DNAJC13: variants seen among roughly 807,000 people sequenced by gnomAD.
DNAJC13 encodes the protein DnaJ heat shock protein family (Hsp40) member C13.
In DNAJC13, 75 loss-of-function variants were observed where a neutral mutation model predicts 290.5. The ratio of observed to expected loss-of-function variants is 0.26; its 90% CI spans 0.21 to 0.31. The LOEUF (loss-of-function observed/expected upper bound fraction) is 0.31. Among genes scored for constraint, DNAJC13 ranks in the 10% least tolerant of loss-of-function variants. The pLI is 1.00. For missense variants in DNAJC13, 2,260 were observed against 2,674.5 expected, an observed-to-expected ratio of 0.85 and a Z score of 3.42; for synonymous variants, 862 against 892.0, an observed-to-expected ratio of 0.97 and a Z score of 0.60.
rs1933510001 is a variant in DNAJC13, at chr3:132,454,158, G to T, written c.932+1G>T. 1 of 1,579,112 alleles carries T rather than the reference G, an allele frequency of 6.3e-7. No individual in the cohort carries two copies. The highest frequency in any genetic ancestry group is 8.6e-7 in the Non-Finnish European group (1 of 1,166,178). ...TACGGAAATATTCTTCAACAGAGAG[G>T]TATTTTTTTTTTTTTAAGTTTTTGA... is the stretch of plus-strand genomic sequence containing the variant. On this transcript the variant is annotated splice_donor_variant, in intron 9 of 55. Coordinates refer to ENST00000260818, the MANE Select transcript of DNAJC13 (RefSeq NM_015268.4). LOFTEE classifies it high-confidence loss of function.
rs796693101 is a variant in DNAJC13 at position 132,432,215 on chromosome 3, T to TG, written c.-13-2315dup. Among the ~76,000 whole-genome samples the TG allele has an allele frequency of 5.3e-3, 808 of 151,692 alleles. 8 individuals carry two copies. Among genetic ancestry groups the TG allele is most frequent in the African/African-American group, 0.015 (628 of 41,390 alleles). ...TTGTTTTGTTTTGTTTTTGTTTTTT[T>TG]GGGGGGGGACAGAGTCTTGCTCTGT... On this transcript the variant is annotated intron_variant, in intron 1 of 55. Coordinates refer to ENST00000260818, the MANE Select transcript of DNAJC13 (RefSeq NM_015268.4).
rs565021689 is a variant in DNAJC13, at chr3:132,526,332, G to C, written c.6381+51G>C. Reference sequence around the variant, plus strand: ...TATTTTAGGAAAGCAAACATACCAAGTAGATTTTTACCTATTTGGTACTGA... The same window carrying C: ...TATTTTAGGAAAGCAAACATACCAACTAGATTTTTACCTATTTGGTACTGA... On this transcript the variant is annotated intron_variant, in intron 53 of 55. Transcript: ENST00000260818. The C allele has an allele frequency of 1.7e-5, 27 of 1,604,820 alleles. No homozygotes were observed. The Admixed American group carries it at 4.5e-4, about 27-fold the overall frequency.
chr3:132,447,236 G>A (rs1041648695), intron 3 of DNAJC13, 85 bp from the exon 4 acceptor site: 20 of 1,199,642 alleles, frequency 1.7e-5, no homozygotes. Flanking sequence ...GATTTAATCA[G>A]TGATTATGAA....
chr3:132,499,688 C>A, intron 37 of DNAJC13, 46 bp from the exon 38 acceptor site: 1 of 1,569,544 alleles, frequency 6.4e-7, no homozygotes, highest in Non-Finnish European at 8.7e-7. Flanking sequence ...GCCTTTCAGA[C>A]TTGAAGTCAA....
intron 40 of DNAJC13, 92 bp from the exon 41 acceptor site, chr3:132,503,122 A>T (rs1935474042): frequency 7.4e-7 from 1 of 1,356,590 alleles, no homozygotes; most frequent in African/African-American, 1.5e-5. Flanking sequence ...TACTCCTTAA[A>T]TATGTTCCAT....
chr3:132,432,911 A>G (rs995612066), intron 1 of DNAJC13, among the ~76,000 whole-genome samples: 2 of 152,162 alleles, frequency 1.3e-5, no homozygotes, highest in African/African-American at 4.8e-5. Context: ...CTTAATCTCA[A>G]TTTCTTTACT....
In DNAJC13 at chr3:132,519,268, ATCT is replaced by A. The variant is rs1477301515; in HGVS notation, c.5673+2459_5673+2461del. On this transcript the variant is annotated intron_variant, in intron 48 of 55. Coordinates refer to ENST00000260818, the MANE Select transcript of DNAJC13 (RefSeq NM_015268.4). ...CCATTCCCCTAGCAATGTATTTATCATCTTCTTCTCTAACGCTTGTTATATCTT... is the reference window on the plus strand; with the variant it reads ...CCATTCCCCTAGCAATGTATTTATCATCTTCTCTAACGCTTGTTATATCTT... Among the ~76,000 whole-genome samples the A allele has an allele frequency of 3.3e-5, 5 of 152,134 alleles. No homozygotes were observed. The East Asian group carries it at 9.6e-4, about 29-fold the overall frequency.
chr3:132,503,080 G>T (rs1935472571), intron 40 of DNAJC13, 134 bp from the exon 41 acceptor site: 1 of 849,888 alleles, frequency 1.2e-6, no homozygotes, highest in African/African-American at 1.7e-5. Flanking sequence ...TCAGTGGTAG[G>T]TACTCTTGTA....
At chr3:132,499,697 A>G (rs1399614572) in intron 37 of DNAJC13, 37 bp from the exon 38 acceptor site, 1 of 1,599,882 alleles carries the variant, frequency 6.3e-7, no homozygotes, top group Non-Finnish European at 8.5e-7. Flanking sequence ...ACTTGAAGTC[A>G]AAATGGAGAG....
In DNAJC13 at chr3:132,456,655, T is replaced by C. The variant is rs144656558; in HGVS notation, c.1180-8T>C. ...GAAACTTTTTTGAAATACTCTTTCTTCACCTAGGGTCTCTTCTCAGAAAAC... is the reference window on the plus strand; with the variant it reads ...GAAACTTTTTTGAAATACTCTTTCTCCACCTAGGGTCTCTTCTCAGAAAAC... On this transcript the variant is annotated splice_polypyrimidine_tract_variant and splice_region_variant and intron_variant, in intron 11 of 55. Coordinates refer to ENST00000260818, the MANE Select transcript of DNAJC13 (RefSeq NM_015268.4). 6.6e-5 allele frequency: 107 copies of C among 1,612,924 alleles called. No individual in the cohort carries two copies. In the African/African-American group the frequency reaches 1.2e-3, roughly 18 times the overall value.
At chr3:132,507,585 G>A (rs1252121479) in intron 43 of DNAJC13, among the ~76,000 whole-genome samples, 2 of 151,716 alleles carry the variant, frequency 1.3e-5, no homozygotes, top group African/African-American at 4.8e-5. Context: ...TCACATTTTG[G>A]TAATTCTCTC....
Position 132,513,125 on chromosome 3 carries a change from G to A in DNAJC13, c.5385+26G>A, listed in dbSNP as rs773614036. 9 of 1,572,884 alleles carry A rather than the reference G, an allele frequency of 5.7e-6. No individual in the cohort carries two copies. The South Asian group carries it at 8.9e-5, about 16-fold the overall frequency. ...GTAAAAGCGTTTTGTACTAAAGCGT[G>A]TTGCCTTTCCTACCACTTACCATGT... On this transcript the variant is annotated intron_variant, in intron 45 of 55. Transcript: ENST00000260818.
At chr3:132,473,045 A>G in intron 20 of DNAJC13, 100 bp from the exon 21 acceptor site, 6 of 770,038 alleles carry the variant, frequency 7.8e-6, no homozygotes, top group South Asian at 3.4e-5. Flanking sequence ...TCAAAATTTG[A>G]TGAAAGAAAT....
chr3:132,480,253 ATTCTT>A (rs1934621715), intron 25 of DNAJC13, 111 bp from the exon 26 acceptor site: 3 of 575,104 alleles, frequency 5.2e-6, no homozygotes, highest in Middle Eastern at 3.4e-4. Flanking sequence ...GACTCCAAAC[ATTCTT>A]TTCTTCGAGG....
chr3:132,466,146 G>A, intron 18 of DNAJC13, 76 bp downstream of exon 18: 1 of 1,438,306 alleles, frequency 7.0e-7, no homozygotes, highest in Non-Finnish European at 9.7e-7. Flanking sequence ...CTGTTAAAAG[G>A]GGATGGTTTG....
chr3:132,460,397 A>G, intron 14 of DNAJC13, 40 bp downstream of exon 14: 2 of 1,374,678 alleles, frequency 1.5e-6, no homozygotes, highest in South Asian at 1.2e-5. Context: ...TAGATACCAT[A>G]CCATTATTGA....
In DNAJC13 at chr3:132,463,764, C is replaced by T. The variant is rs916053653; in HGVS notation, c.1839C>T (p.His613=). The change falls in exon 17 of 56, where the codon CAC becomes CAT. Residue 613 remains histidine (H), a synonymous_variant. Transcript: ENST00000260818. ...TAAGTGAAGGTGCCTTACCTCGACA[C>T]TTGCATACTGCGATGTTTACAATAA... ...LALSEGALPR[H]LHTAMFTISS... is the part of the protein sequence containing the mutation. 6.2e-7 allele frequency: 1 copy of T among 1,613,522 alleles called. No individual in the cohort carries two copies. The highest frequency in any genetic ancestry group is 8.5e-7 in the Non-Finnish European group (1 of 1,179,518).
chr3:132,534,296 G>A (rs1299611645), intron 55 of DNAJC13, among the ~76,000 whole-genome samples: 1 of 152,136 alleles, frequency 6.6e-6, no homozygotes, highest in Non-Finnish European at 1.5e-5. Flanking sequence ...TATCAATCTG[G>A]GATGCTCTTT....
At chr3:132,441,381 A>T (rs962105942) in intron 2 of DNAJC13, among the ~76,000 whole-genome samples, 1 of 152,256 alleles carries the variant, frequency 6.6e-6, no homozygotes, top group Non-Finnish European at 1.5e-5. Flanking sequence ...GTGAACAATT[A>T]TAACTAGACA....
Sources: gnomAD v4.1 joint callset for allele counts (sites outside exome capture counted in the v4.1 genomes callset) on GRCh38, gnomAD v4.1.1 for gene constraint, MANE v1.5 for transcripts, NCBI Gene and HGNC (gene_info 2026-07-23, HGNC 2026-07-21) for gene names.